The following LAPTM5 variants were observed in gnomAD, a reference collection of about 807,000 sequenced individuals.
LAPTM5 encodes the protein lysosomal-associated transmembrane protein 5.
A neutral mutation model predicts 30.1 loss-of-function variants in LAPTM5; 11 were observed. The observed-to-expected ratio is 0.37, with a 90% CI of 0.23 to 0.60. The LOEUF (loss-of-function observed/expected upper bound fraction) is 0.60, where lower values mean the gene tolerates loss of function less well. LAPTM5 is among the 20% of genes least tolerant of loss of function. The pLI, the probability that LAPTM5 is intolerant of heterozygous loss-of-function variation, is 0.71. For synonymous variants in LAPTM5, 151 were observed against 137.9 expected, an observed-to-expected ratio of 1.10 and a Z score of -0.67; for missense variants, 324 against 332.5, an observed-to-expected ratio of 0.97 and a Z score of 0.20.
intron 3 of LAPTM5, among the ~76,000 whole-genome samples, chr1:30,740,866 C>A (rs1413603926): frequency 3.9e-5 from 6 of 152,198 alleles, no homozygotes; most frequent in Admixed American, 1.3e-4. Flanking sequence ...TCCAAACCAG[C>A]ACCAAATCAT....
At chr1:30,756,438 T>A (rs1640212275) in intron 1 of LAPTM5, among the ~76,000 whole-genome samples, 1 of 152,196 alleles carries the variant, frequency 6.6e-6, no homozygotes, top group African/African-American at 2.4e-5. Flanking sequence ...ATGTATCAAC[T>A]CCCTGAGCCT....
rs1029654181 is a variant in LAPTM5, at chr1:30,732,583, T to C, written c.*1245A>G. ...CTTCTCCCTCTGTACCCCCCGACAGTCCCCAGAGACCCTGCCTCCGTGGCC... is the reference window on the plus strand; with the variant it reads ...CTTCTCCCTCTGTACCCCCCGACAGCCCCCAGAGACCCTGCCTCCGTGGCC... On this transcript the variant is annotated 3_prime_UTR_variant, in exon 8 of 8. Transcript: ENST00000294507. The C allele has an allele frequency of 6.6e-6, 1 of 151,786 alleles. No homozygotes were observed. The highest frequency in any genetic ancestry group is 1.5e-5 in the Non-Finnish European group (1 of 67,930). 9.4% of individuals were successfully genotyped at this position (151,786 alleles called of 1,614,324 possible). A position where few individuals can be genotyped will look rare whatever the true frequency, so the allele number is the denominator to read the frequency against.
intron 2 of LAPTM5, 53 bp from the exon 3 acceptor site, chr1:30,741,769 C>G (rs1639973651): frequency 7.4e-7 from 1 of 1,350,280 alleles, no homozygotes; most frequent in Admixed American, 2.2e-5. Context: ...GGGACCCCAG[C>G]CAGGCTCCCA....
At chr1:30,753,868 A>G (rs1263483218) in intron 1 of LAPTM5, among the ~76,000 whole-genome samples, 1 of 152,240 alleles carries the variant, frequency 6.6e-6, no homozygotes, top group Non-Finnish European at 1.5e-5. Context: ...CGCAAGAACT[A>G]TCTGTACTGT....
chr1:30,738,323 G>A (rs905471585), intron 5 of LAPTM5, among the ~76,000 whole-genome samples: 4 of 152,236 alleles, frequency 2.6e-5, no homozygotes, highest in African/African-American at 7.2e-5. Context: ...CATCACTCCC[G>A]CAGGGGAAGC....
intron 1 of LAPTM5, among the ~76,000 whole-genome samples, chr1:30,756,934 C>T (rs1000663150): frequency 2.6e-5 from 4 of 152,332 alleles, no homozygotes; most frequent in Admixed American, 6.5e-5. Flanking sequence ...CCTTGGCCCC[C>T]GGGCACTGTG....
intron 5 of LAPTM5, 63 bp downstream of exon 5, chr1:30,738,877 T>C: frequency 6.5e-7 from 1 of 1,526,800 alleles, no homozygotes. Flanking sequence ...CACAGAGACG[T>C]GAAGTAACCT....
Position 30,738,920 on chromosome 1 carries a change from G to T in LAPTM5, c.510+20C>A. ...GCCACACAGCCAGCAAATGGGCATG[G>T]TTCCCTGCCCCAGACTCACCATGTG... On this transcript the variant is annotated intron_variant, in intron 5 of 7. Transcript: ENST00000294507. 1 of 1,591,584 alleles carries T rather than the reference G, an allele frequency of 6.3e-7. No individual in the cohort carries two copies. The highest frequency in any genetic ancestry group is 8.6e-7 in the Non-Finnish European group (1 of 1,168,658).
At chr1:30,744,152 G>A (rs146112272) in intron 1 of LAPTM5, among the ~76,000 whole-genome samples, 77 of 152,282 alleles carry the variant, frequency 5.1e-4, no homozygotes, top group Middle Eastern at 3.4e-3. Flanking sequence ...GGAGCACGGT[G>A]CATGCTCTAA....
At chr1:30,756,629 G>T (rs1231932617) in intron 1 of LAPTM5, among the ~76,000 whole-genome samples, 1 of 152,158 alleles carries the variant, frequency 6.6e-6, no homozygotes, top group Non-Finnish European at 1.5e-5. Flanking sequence ...GAACAGCATC[G>T]CCCCCCTGAA....
At position 30,742,568 on chromosome 1, in the gene LAPTM5, A is replaced by G; in HGVS notation, c.88-19T>C. ...TCATGATCTGGAGGCAAAGCAAAGC[A>G]TCAGTCAGCTGAGCCTGCATCACGG... is the stretch of plus-strand genomic sequence containing the variant. On this transcript the variant is annotated intron_variant, in intron 1 of 7. Transcript: ENST00000294507. 2 of 1,602,758 alleles carry G rather than the reference A, an allele frequency of 1.2e-6. No individual in the cohort carries two copies. The highest frequency in any genetic ancestry group is 1.7e-6 in the Non-Finnish European group (2 of 1,172,230).
chr1:30,754,537 T>TAAAAAC, intron 1 of LAPTM5, among the ~76,000 whole-genome samples: 1 of 152,048 alleles, frequency 6.6e-6, no homozygotes, highest in East Asian at 1.9e-4. Flanking sequence ...CCCCATCTCT[T>TAAAAAC]AAAAACAAAA....
chr1:30,757,625 C>T (rs747250644), intron 1 of LAPTM5, 34 bp downstream of exon 1: 16 of 1,600,266 alleles, frequency 1.0e-5, no homozygotes, highest in South Asian at 2.2e-5. Context: ...CACACAAGCA[C>T]GCACGCACAC....
At position 30,733,828 on chromosome 1, in the gene LAPTM5, T is replaced by C. The variant is rs535029927; in HGVS notation, c.789A>G (p.Ter263TrpextTer17). The change falls in exon 8 of 8, where the codon TGA (stop) becomes TGG (tryptophan). Residue 263 changes from the stop codon to tryptophan, a stop_lost. Coordinates refer to ENST00000294507, the MANE Select transcript of LAPTM5 (RefSeq NM_006762.3). ...GPAPPPYSEV[*>W] ...CACTGGGGCTGGGGCCTGGCGAGGG[T>C]CACACCTCTGAGTATGGGGGTGGTG... is the stretch of plus-strand genomic sequence containing the variant. The C allele has an allele frequency of 6.2e-7, 1 of 1,603,288 alleles. No individual in the cohort carries two copies. Among genetic ancestry groups the C allele is most frequent in the South Asian group, 1.1e-5 (1 of 89,936 alleles).
At chr1:30,733,983 C>A in intron 7 of LAPTM5, 66 bp from the exon 8 acceptor site, 1 of 1,536,156 alleles carries the variant, frequency 6.5e-7, no homozygotes, top group South Asian at 1.2e-5. Flanking sequence ...AACCTGGGGT[C>A]ATGGGACCCA....
chr1:30,733,408 A>G lies in LAPTM5; in HGVS notation c.*420T>C. 7.4e-6 allele frequency: 5 copies of G among 673,410 alleles called. No homozygotes were observed. Among genetic ancestry groups the G allele is most frequent in the Non-Finnish European group, 1.0e-5 (5 of 477,020 alleles). 41.7% of individuals were successfully genotyped at this position (673,410 alleles called of 1,614,324 possible). On this transcript the variant is annotated 3_prime_UTR_variant, in exon 8 of 8. Transcript: ENST00000294507. ...TAAATTGCTATGTGAACTGACAACT[A>G]TTTATAAATCAATGCAATAGACTGT...
chr1:30,750,744 C>T (rs536498776), intron 1 of LAPTM5, among the ~76,000 whole-genome samples: 1 of 152,336 alleles, frequency 6.6e-6, no homozygotes, highest in East Asian at 1.9e-4. Flanking sequence ...TGCAGAGTCA[C>T]TTGCCCTCCT....
chr1:30,749,267 A>G (rs1340026941), intron 1 of LAPTM5, among the ~76,000 whole-genome samples: 1 of 152,148 alleles, frequency 6.6e-6, no homozygotes, highest in Non-Finnish European at 1.5e-5. Flanking sequence ...GCAGAATTTC[A>G]TTTCTACGTA....
chr1:30,746,347 AGGCCCT>A lies in LAPTM5; in HGVS notation c.88-3804_88-3799del, dbSNP rs1640044798. 6.5e-6 allele frequency: 1 copy of A among 152,706 alleles called. No homozygotes were observed. The highest frequency in any genetic ancestry group is 1.5e-5 in the Non-Finnish European group (1 of 68,464). The allele number at this position is 152,706 out of a possible 1,614,324, so 9.5% of individuals were successfully genotyped here. On this transcript the variant is annotated intron_variant, in intron 1 of 7. Transcript: ENST00000294507. This position sits in a 1 kb window ranked among gnomAD's most constrained non-coding sequence, Gnocchi z 4.0. ...CAGGGCCAGCACCCTGCCCCTCAGA[AGGCCCT>A]CACTGCCCCACCCATGTCCCTAACC...
Sources: allele counts gnomAD v4.1 joint callset (sites outside exome capture counted in the v4.1 genomes callset), GRCh38; gene constraint gnomAD v4.1.1; non-coding constraint Gnocchi (gnomAD v3.1); transcripts MANE v1.5; gene names NCBI Gene and HGNC (gene_info 2026-07-23, HGNC 2026-07-21).